SIRT5: variants seen among roughly 807,000 people sequenced by gnomAD.
The protein encoded by SIRT5 is sirtuin 5.
Under a neutral mutation model 40.0 loss-of-function variants are expected in SIRT5, and 26 were observed. The ratio of observed to expected loss-of-function variants is 0.65; its 90% CI spans 0.48 to 0.90. The LOEUF (loss-of-function observed/expected upper bound fraction) is 0.90. SIRT5 is among the 40% of genes least tolerant of loss of function. The pLI, the probability that SIRT5 is intolerant of heterozygous loss-of-function variation, is 0.00. For missense variants in SIRT5, 401 were observed against 402.4 expected (o/e 1.00, Z 0.03); for synonymous variants, 146 against 149.1 (o/e 0.98, Z 0.15).
intron 5 of SIRT5, among the ~76,000 whole-genome samples, chr6:13,595,142 C>T (rs1761400311): frequency 6.6e-6 from 1 of 152,206 alleles, no homozygotes; most frequent in South Asian, 2.1e-4. Flanking sequence ...AGGGCATATG[C>T]TCTTGACTGG....
chr6:13,580,546 T>C (rs1312948523), intron 2 of SIRT5, among the ~76,000 whole-genome samples: 1 of 152,228 alleles, frequency 6.6e-6, no homozygotes, highest in Non-Finnish European at 1.5e-5. Flanking sequence ...AAAAACTATG[T>C]AGCCTTTTGT....
Position 13,607,082 on chromosome 6 carries a change from C to T in SIRT5, c.858-4708C>T, listed in dbSNP as rs187701702. ...TTCTTGTCGTATCCATAATCTTCCTCGTGTTCCCCAAATACCCCTGAAGAT... is the reference window on the plus strand; with the variant it reads ...TTCTTGTCGTATCCATAATCTTCCTTGTGTTCCCCAAATACCCCTGAAGAT... On this transcript the variant is annotated intron_variant, in intron 9 of 9. Coordinates refer to ENST00000606117, the MANE Select transcript of SIRT5 (RefSeq NM_012241.5). This position sits in a 1 kb window ranked among gnomAD's most constrained non-coding sequence, Gnocchi z 4.0. Among the ~76,000 whole-genome samples, 7 of 151,300 alleles carry T rather than the reference C, an allele frequency of 4.6e-5. No homozygotes were observed. Among genetic ancestry groups the T allele is most frequent in the East Asian group, 3.9e-4 (2 of 5,160 alleles).
chr6:13,598,825 CAAAAAAAAA>C (rs368964409), intron 7 of SIRT5, among the ~76,000 whole-genome samples, 198 bp from the exon 8 acceptor site: 1 of 47,110 alleles, frequency 2.1e-5, no homozygotes, highest in East Asian at 5.8e-4. Context: ...GACTCCGTCT[CAAAAAAAAA>C]AAAAAAAAAA....
intron 9 of SIRT5, among the ~76,000 whole-genome samples, chr6:13,606,701 A>G (rs1460208157): frequency 1.3e-5 from 2 of 152,194 alleles, no homozygotes; most frequent in Non-Finnish European, 2.9e-5. Context: ...TTTTGTTTTA[A>G]GACAGAGTCT....
intron 9 of SIRT5, among the ~76,000 whole-genome samples, chr6:13,608,844 T>TG (rs1189468118): frequency 6.6e-6 from 1 of 151,050 alleles, no homozygotes; most frequent in East Asian, 1.9e-4. Flanking sequence ...TTCTTTGAGA[T>TG]GGAGTTTTGC....
At chr6:13,605,538 A>C in intron 9 of SIRT5, 1 of 985,446 alleles carries the variant, frequency 1.0e-6, no homozygotes, top group Non-Finnish European at 1.2e-6. Context: ...GCCTTACACA[A>C]GTTGTTCAGA....
At position 13,595,468 on chromosome 6, in the gene SIRT5, A is replaced by G; in HGVS notation, c.476-9A>G. The G allele has an allele frequency of 6.2e-7, 1 of 1,609,670 alleles. No homozygotes were observed. Among genetic ancestry groups the G allele is most frequent in the Non-Finnish European group, 8.5e-7 (1 of 1,176,014 alleles). ...TAAATTCTGGATTTGCTTCATATGT[A>G]TTTTTCAGGTAGCTTATTTAAAACT... On this transcript the variant is annotated splice_polypyrimidine_tract_variant and intron_variant, in intron 5 of 9. Coordinates refer to ENST00000606117, the MANE Select transcript of SIRT5 (RefSeq NM_012241.5).
Position 13,594,665 on chromosome 6 carries a change from C to T in SIRT5, c.476-812C>T, listed in dbSNP as rs1584799477. 2.0e-5 allele frequency among the ~76,000 whole-genome samples: 3 copies of T among 152,308 alleles called. No individual in the cohort carries two copies. In the South Asian group the frequency reaches 6.2e-4, roughly 32 times the overall value. ...GCTGAGCTTGTATTTGGGATGTGAC[C>T]CACAGCCCTATTGGCTCAGCATGCG... On this transcript the variant is annotated intron_variant, in intron 5 of 9. Coordinates refer to ENST00000606117, the MANE Select transcript of SIRT5 (RefSeq NM_012241.5).
chr6:13,589,733 A>AG (rs1760574110), intron 4 of SIRT5, among the ~76,000 whole-genome samples: 3 of 152,162 alleles, frequency 2.0e-5, no homozygotes, highest in Admixed American at 6.5e-5. Flanking sequence ...AGAGAACATT[A>AG]GGGGCCAGCA....
At chr6:13,574,281 C>A (rs1386667356), upstream of SIRT5, among the ~76,000 whole-genome samples, 1 of 152,114 alleles carries the variant, frequency 6.6e-6, no homozygotes, top group Non-Finnish European at 1.5e-5. Flanking sequence ...GGCCTCCTCT[C>A]CAGCCGGCGC....
chr6:13,605,284 T>G (rs1322206475), intron 9 of SIRT5: 3 of 836,746 alleles, frequency 3.6e-6, no homozygotes, highest in Non-Finnish European at 4.3e-6. Context: ...GTGTGGCTGC[T>G]TTTGCATTAG....
At chr6:13,575,189 C>A (rs1290853000) in intron 1 of SIRT5, among the ~76,000 whole-genome samples, 1 of 151,994 alleles carries the variant, frequency 6.6e-6, no homozygotes, top group Non-Finnish European at 1.5e-5. Context: ...CTCTTGGACA[C>A]AGGGCGGGGA....
intron 3 of SIRT5, among the ~76,000 whole-genome samples, chr6:13,586,075 C>A (rs1172324539): frequency 6.6e-6 from 1 of 152,194 alleles, no homozygotes; most frequent in African/African-American, 2.4e-5. Context: ...CCTTTGCCCA[C>A]TTTTTGATGG....
At chr6:13,589,820 G>A (rs796397273) in intron 4 of SIRT5, among the ~76,000 whole-genome samples, 20 of 152,304 alleles carry the variant, frequency 1.3e-4, no homozygotes, top group South Asian at 1.0e-3. Flanking sequence ...GGAGGAGCTC[G>A]GAGGAGGGGC....
At chr6:13,601,792 T>C (rs1010128752) in intron 9 of SIRT5, among the ~76,000 whole-genome samples, 1 of 151,356 alleles carries the variant, frequency 6.6e-6, no homozygotes, top group Non-Finnish European at 1.5e-5. Context: ...GTGATTCCTG[T>C]GTGCAGCCAG....
In SIRT5 at chr6:13,607,124, C is replaced by T. The variant is rs1755546199; in HGVS notation, c.858-4666C>T. ...CCTGAAGATACGAATGACTCCAGCC[C>T]TTATTTTATAAAACAAAACAGACAA... On this transcript the variant is annotated intron_variant, in intron 9 of 9. Transcript: ENST00000606117. The surrounding 1 kb of genome is among the most constrained non-coding windows in gnomAD (Gnocchi z 4.0). Among the ~76,000 whole-genome samples the T allele has an allele frequency of 6.6e-6, 1 of 152,000 alleles. No homozygotes were observed. Among genetic ancestry groups the T allele is most frequent in the Admixed American group, 6.6e-5 (1 of 15,254 alleles).
Position 13,584,188 on chromosome 6 carries a change from A to G in SIRT5, c.78A>G (p.Arg26=). The part of the protein sequence containing the change: ...YCGLKPPAST[R]NQICLKMARP... The stretch of plus-strand genomic sequence containing the variant: ...GCCTGAAGCCTCCAGCGTCCACACG[A>G]AACCAGATTTGCCTGAAAATGGCTC... Residue 26 remains arginine, a synonymous_variant, in exon 3 of 10, where the codon CGA becomes CGG. Transcript: ENST00000606117. The G allele has an allele frequency of 6.2e-7, 1 of 1,614,212 alleles. No individual in the cohort carries two copies.
Position 13,588,418 on chromosome 6 carries a change from C to T in SIRT5, c.203C>T (p.Pro68Leu), listed in dbSNP as rs758365361. The T allele has an allele frequency of 2.4e-5, 38 of 1,614,124 alleles. No homozygotes were observed. The highest frequency in any genetic ancestry group is 1.6e-4 in the East Asian group (7 of 44,876). Residue 68 changes from proline (P) to leucine (L), a missense_variant, in exon 4 of 10, where the codon CCG (proline) becomes CTG (leucine). Transcript: ENST00000606117. Reference sequence around the variant, plus strand: ...GGTGTTAGTGCAGAAAGTGGTGTTCCGACCTTCAGAGGAGCTGGAGGTTAT... The same window carrying T: ...GGTGTTAGTGCAGAAAGTGGTGTTCTGACCTTCAGAGGAGCTGGAGGTTAT... Reference protein sequence around the residue: ...GAGVSAESGVPTFRGAGGYWR... With the variant: ...GAGVSAESGVLTFRGAGGYWR...
intron 2 of SIRT5, among the ~76,000 whole-genome samples, chr6:13,583,545 C>T (rs1016749658): frequency 3.3e-5 from 5 of 152,128 alleles, no homozygotes; most frequent in African/African-American, 7.2e-5. Context: ...CCACCCATCT[C>T]GGCCTCCCAA....
Sources: allele counts gnomAD v4.1 joint callset (sites outside exome capture counted in the v4.1 genomes callset), GRCh38; gene constraint gnomAD v4.1.1; non-coding constraint Gnocchi (gnomAD v3.1); transcripts MANE v1.5; gene names NCBI Gene and HGNC (gene_info 2026-07-23, HGNC 2026-07-21).